The following NR3C2 variants were observed in gnomAD, a reference collection of about 807,000 sequenced individuals.
NR3C2 encodes the protein mineralocorticoid receptor.
A neutral mutation model predicts 86.4 loss-of-function variants in NR3C2; 15 were observed. That is an observed-to-expected ratio of 0.17 (90% confidence interval 0.12 to 0.27). NR3C2 has a LOEUF of 0.27. Among genes scored for constraint, NR3C2 ranks in the 10% least tolerant of loss-of-function variants. The pLI is 1.00. For missense variants in NR3C2, 960 were observed against 1,195.6 expected, an observed-to-expected ratio of 0.80 and a Z score of 2.91; for synonymous variants, 458 against 450.5, an observed-to-expected ratio of 1.02 and a Z score of -0.21.
At chr4:148,294,695 GGCC>G (rs1404966110) in intron 2 of NR3C2, among the ~76,000 whole-genome samples, 7 of 151,848 alleles carry the variant, frequency 4.6e-5, no homozygotes, top group Non-Finnish European at 8.8e-5. Context: ...AAAAAGCATG[GGCC>G]AGGTGCAGTG....
chr4:148,223,853 C>A lies in NR3C2; in HGVS notation c.1898-28991G>T, dbSNP rs536271268. On this transcript the variant is annotated intron_variant, in intron 3 of 8. Transcript: ENST00000358102. ...TGATGTGAAAGTTGGGAAGAACTGC[C>A]AAGTTTGCAGGAAGGCTTAGAAGTT... 3.9e-5 allele frequency among the ~76,000 whole-genome samples: 6 copies of A among 152,218 alleles called. No individual in the cohort carries two copies. In the South Asian group the frequency reaches 1.2e-3, roughly 32 times the overall value.
chr4:148,081,137 G>A lies in NR3C2; in HGVS notation c.*207C>T, dbSNP rs950531578. 1 of 622,178 alleles carries A rather than the reference G, an allele frequency of 1.6e-6. No individual in the cohort carries two copies. The highest frequency in any genetic ancestry group is 2.9e-5 in the East Asian group (1 of 34,504). 38.5% of individuals were successfully genotyped at this position (622,178 alleles called of 1,614,324 possible). A position where few individuals can be genotyped will look rare whatever the true frequency, so the allele number is the denominator to read the frequency against. ...TCTAAGCGCTGGGGGATTGGAGGTGGGGAATCCTTCAGACTGCTCTGGTCT... is the reference window on the plus strand; with the variant it reads ...TCTAAGCGCTGGGGGATTGGAGGTGAGGAATCCTTCAGACTGCTCTGGTCT... On this transcript the variant is annotated 3_prime_UTR_variant, in exon 9 of 9. Coordinates refer to ENST00000358102, the MANE Select transcript of NR3C2 (RefSeq NM_000901.5).
In NR3C2 at chr4:148,164,735, T is replaced by C. The variant is rs987969851; in HGVS notation, c.2015-9834A>G. Among the ~76,000 whole-genome samples, 128 of 152,318 alleles carry C rather than the reference T, an allele frequency of 8.4e-4. 1 individual carries two copies. The highest frequency in any genetic ancestry group is 2.7e-3 in the African/African-American group (113 of 41,558). On this transcript the variant is annotated intron_variant, in intron 4 of 8. Transcript: ENST00000358102. ...GATCTCATTGGGCATGCAAGGTAAA[T>C]AGACTCATTAAGAATGTTTTATGAA...
intron 2 of NR3C2, among the ~76,000 whole-genome samples, chr4:148,316,017 A>G (rs1743154014): frequency 6.6e-6 from 1 of 152,210 alleles, no homozygotes; most frequent in South Asian, 2.1e-4. Flanking sequence ...TAGAAGTTAT[A>G]TGAGGGAAAA....
chr4:148,202,283 A>G (rs61758885), intron 3 of NR3C2, among the ~76,000 whole-genome samples: 1 of 152,118 alleles, frequency 6.6e-6, no homozygotes, highest in Non-Finnish European at 1.5e-5. Flanking sequence ...TCTTTTTTCC[A>G]GGGGGAGGAA....
chr4:148,128,818 G>C (rs979778704), intron 6 of NR3C2, among the ~76,000 whole-genome samples: 1 of 152,194 alleles, frequency 6.6e-6, no homozygotes, highest in Non-Finnish European at 1.5e-5. Flanking sequence ...GGCCTCCAAA[G>C]CAGTGCATTT....
intron 3 of NR3C2, among the ~76,000 whole-genome samples, chr4:148,244,057 C>T (rs1368109639): frequency 6.6e-6 from 1 of 152,218 alleles, no homozygotes; most frequent in African/African-American, 2.4e-5. Context: ...GTGACGTCCA[C>T]GTACAGGTGG....
At chr4:148,081,942 G>T (rs1730582782) in intron 8 of NR3C2, among the ~76,000 whole-genome samples, 1 of 152,200 alleles carries the variant, frequency 6.6e-6, no homozygotes, top group South Asian at 2.1e-4. Flanking sequence ...TGCCCAGGAG[G>T]GTGAGGAGCA....
intron 8 of NR3C2, among the ~76,000 whole-genome samples, chr4:148,084,629 T>C (rs1250529266): frequency 6.6e-6 from 1 of 152,294 alleles, no homozygotes; most frequent in East Asian, 1.9e-4. Flanking sequence ...AACAACCAGC[T>C]AGCATCATAA....
chr4:148,267,123 T>C (rs1740435974), intron 2 of NR3C2, among the ~76,000 whole-genome samples: 1 of 152,220 alleles, frequency 6.6e-6, no homozygotes. Context: ...TTTCCTTATC[T>C]GTTAGGTAGT....
intron 2 of NR3C2, among the ~76,000 whole-genome samples, chr4:148,343,404 C>G (rs1034931144): frequency 6.6e-6 from 1 of 151,854 alleles, no homozygotes; most frequent in African/African-American, 2.4e-5. Flanking sequence ...TATCCGCCCC[C>G]CCGACCCCCC....
chr4:148,079,194 C>A lies in NR3C2; in HGVS notation c.*2150G>T, dbSNP rs1328892902. 1.3e-5 allele frequency: 2 copies of A among 152,252 alleles called. No individual in the cohort carries two copies. Among genetic ancestry groups the A allele is most frequent in the African/African-American group, 2.4e-5 (1 of 41,466 alleles). The allele number at this position is 152,252 out of a possible 1,614,324, so 9.4% of individuals were successfully genotyped here. On this transcript the variant is annotated 3_prime_UTR_variant, in exon 9 of 9. Coordinates refer to ENST00000358102, the MANE Select transcript of NR3C2 (RefSeq NM_000901.5). The stretch of plus-strand genomic sequence containing the variant: ...AAGTAAGCCATTTGTTTGCTAGCAA[C>A]TCCCAGTCTGCATGCTGTGTATTTA...
chr4:148,397,779 A>G (rs1747936725), intron 2 of NR3C2, among the ~76,000 whole-genome samples: 1 of 152,186 alleles, frequency 6.6e-6, no homozygotes. Context: ...TGTCGCCTAA[A>G]CTTCTTTTGG....
chr4:148,094,628 T>A (rs544050019), intron 8 of NR3C2, among the ~76,000 whole-genome samples: 1 of 150,992 alleles, frequency 6.6e-6, no homozygotes, highest in African/African-American at 2.4e-5. Context: ...GGTAGGAGAA[T>A]CGCTTGAACC....
intron 3 of NR3C2, among the ~76,000 whole-genome samples, chr4:148,203,161 T>C (rs1405302773): frequency 2.6e-5 from 4 of 152,178 alleles, no homozygotes; most frequent in African/African-American, 7.2e-5. Context: ...GCCAGAGCCA[T>C]TAATAAATCT....
chr4:148,242,665 A>C (rs777869258), intron 3 of NR3C2, among the ~76,000 whole-genome samples: 4 of 152,228 alleles, frequency 2.6e-5, no homozygotes, highest in Non-Finnish European at 5.9e-5. Context: ...AAAATTTTAC[A>C]GAAAATATTT....
chr4:148,390,623 T>C (rs1238089787), intron 2 of NR3C2, among the ~76,000 whole-genome samples: 1 of 152,182 alleles, frequency 6.6e-6, no homozygotes, highest in East Asian at 1.9e-4. Context: ...TGGTGATGTG[T>C]GACCCCAGAA....
intron 4 of NR3C2, among the ~76,000 whole-genome samples, chr4:148,161,156 C>G (rs1218461577): frequency 6.6e-6 from 1 of 152,058 alleles, no homozygotes; most frequent in African/African-American, 2.4e-5. Flanking sequence ...TTTATAAATA[C>G]TCAGAGTGGT....
Position 148,435,738 on chromosome 4 carries a change from G to C in NR3C2, c.1123C>G (p.Pro375Ala). The change falls in exon 2 of 9, where the codon CCT becomes GCT. Residue 375 changes from proline to alanine, a missense_variant. Physicochemically the swap from Pro to Ala is conservative, Grantham distance 27 (BLOSUM62 -1). Coordinates refer to ENST00000358102, the MANE Select transcript of NR3C2 (RefSeq NM_000901.5). ...QEKGAQEVPF[P>A]KTEEVESAIS... ...GCACTCTCTACTTCCTCAGTCTTAG[G>C]AAAAGGGACCTCTTGAGCACCTTTC... The C allele has an allele frequency of 3.1e-6, 5 of 1,614,162 alleles. No individual in the cohort carries two copies. Among genetic ancestry groups the C allele is most frequent in the Non-Finnish European group, 4.2e-6 (5 of 1,180,034 alleles).
Sources: gnomAD v4.1 joint callset for allele counts (sites outside exome capture counted in the v4.1 genomes callset) on GRCh38, gnomAD v4.1.1 for gene constraint, MANE v1.5 for transcripts, NCBI Gene and HGNC (gene_info 2026-07-23, HGNC 2026-07-21) for gene names.